The following IST1 variants were observed in gnomAD, a reference collection of about 807,000 sequenced individuals.
The protein encoded by IST1 is IST1 factor associated with ESCRT-III.
Under a neutral mutation model 37.0 loss-of-function variants are expected in IST1, and 23 were observed. The observed-to-expected ratio is 0.62, with a 90% CI of 0.45 to 0.88. The LOEUF (loss-of-function observed/expected upper bound fraction) is 0.88, where lower values mean the gene tolerates loss of function less well. Among genes scored for constraint, IST1 ranks in the 40% least tolerant of loss-of-function variants. IST1 has a pLI of 0.00. For synonymous variants in IST1, 180 were observed against 161.7 expected (o/e 1.11, Z -0.86); for missense variants, 488 against 445.4 (o/e 1.10, Z -0.86).
upstream of IST1, chr16:71,895,451 C>G (rs1036401298): frequency 4.1e-5 from 37 of 909,530 alleles, no homozygotes; most frequent in African/African-American, 7.2e-5. Flanking sequence ...GCAGCCAATC[C>G]CTGGAAAGGA....
intron 1 of IST1, among the ~76,000 whole-genome samples, chr16:71,896,406 T>C (rs897599839): frequency 2.0e-5 from 3 of 152,128 alleles, no homozygotes; most frequent in Non-Finnish European, 4.4e-5. Flanking sequence ...TTATGTGTAA[T>C]ATTTTAACTT....
chr16:71,907,117 A>G (rs556300414), intron 1 of IST1, among the ~76,000 whole-genome samples: 2 of 151,848 alleles, frequency 1.3e-5, no homozygotes, highest in Non-Finnish European at 2.9e-5. Flanking sequence ...AAGTTTGCTA[A>G]GCTTTTGGAG....
chr16:71,916,367 G>C, intron 2 of IST1, 95 bp from the exon 3 acceptor site: 1 of 1,220,842 alleles, frequency 8.2e-7, no homozygotes, highest in Non-Finnish European at 1.2e-6. Flanking sequence ...GGATATAGTA[G>C]AAACACCCAG....
At position 71,924,784 on chromosome 16, in the gene IST1, G is replaced by A; in HGVS notation, c.868G>A (p.Ala290Thr). The change falls in exon 9 of 10, where the codon GCT (alanine) becomes ACT (threonine). Residue 290 changes from alanine to threonine, a missense_variant. Physicochemically the swap from Ala to Thr is moderately conservative, Grantham distance 58. Around this residue, in one of 2 missense-constraint regions of IST1, gnomAD observed 455 missense variants for 386.2 expected, o/e 1.18. Coordinates refer to ENST00000378799, the MANE Select transcript of IST1 (RefSeq NM_001270975.2). ...TGTGTTTCAGGTAGATGACATTAAT[G>A]CTGATAAGAATATCTCTTCTGCACA... ...PSYESVDDINADKNISSAQIV... is the reference protein window; with the variant it reads ...PSYESVDDINTDKNISSAQIV... The A allele has an allele frequency of 6.2e-7, 1 of 1,610,122 alleles. No individual in the cohort carries two copies. The highest frequency in any genetic ancestry group is 8.5e-7 in the Non-Finnish European group (1 of 1,176,296).
At chr16:71,896,975 G>GAAA (rs34791226) in intron 1 of IST1, among the ~76,000 whole-genome samples, 1 of 146,780 alleles carries the variant, frequency 6.8e-6, no homozygotes, top group Non-Finnish European at 1.5e-5. Context: ...TGTAAAAAAA[G>GAAA]AAAAAAAAAA....
upstream of IST1, chr16:71,894,855 A>C (rs117967468): frequency 2.6e-4 from 403 of 1,532,896 alleles, 6 homozygotes; most frequent in East Asian, 9.6e-3. Flanking sequence ...AGTTAAAAAC[A>C]AAGGTAACCA....
intron 3 of IST1, 51 bp downstream of exon 3, chr16:71,916,693 G>T: frequency 6.8e-7 from 1 of 1,462,652 alleles, no homozygotes; most frequent in South Asian, 1.2e-5. Flanking sequence ...TTTGAGAAAG[G>T]AGTAATATGA....
At chr16:71,918,212 C>T (rs1174660827) in intron 4 of IST1, among the ~76,000 whole-genome samples, 2 of 152,040 alleles carry the variant, frequency 1.3e-5, no homozygotes, top group African/African-American at 4.8e-5. Flanking sequence ...AGAAGGAAGC[C>T]AAAAATCTAT....
chr16:71,921,731 G>A (rs1597253810), intron 6 of IST1: 1 of 338,204 alleles, frequency 3.0e-6, no homozygotes, highest in African/African-American at 2.1e-5. Flanking sequence ...GAAACCTCCT[G>A]TTCATAGCAA....
At chr16:71,925,160 C>G (rs947732790) in intron 9 of IST1, among the ~76,000 whole-genome samples, 23 of 150,698 alleles carry the variant, frequency 1.5e-4, no homozygotes, top group African/African-American at 5.6e-4. Flanking sequence ...CTACAGGCGC[C>G]CGCCACCATG....
chr16:71,900,327 CTTTTTTTTTTTTT>C (rs201344260), intron 1 of IST1, among the ~76,000 whole-genome samples: 9 of 100,486 alleles, frequency 9.0e-5, no homozygotes, highest in South Asian at 7.9e-4. Context: ...CTTAGGAAGT[CTTTTTTTTTTTTT>C]TTTTTTTTTT....
chr16:71,923,487 GTCA>G (rs2037660803), intron 8 of IST1, 107 bp downstream of exon 8: 4 of 616,730 alleles, frequency 6.5e-6, no homozygotes, highest in East Asian at 3.0e-5. Flanking sequence ...TCCTAGTACT[GTCA>G]TCATTTTTGC....
chr16:71,916,593 C>G lies in IST1; in HGVS notation c.220C>G (p.Leu74Val). The change falls in exon 3 of 10, where the codon CTG becomes GTG. Residue 74 changes from leucine to valine, a missense_variant. Transcript: ENST00000378799. ...YLVEAMEILE[L>V]YCDLLLARFG... ...CGTGGAGGCCATGGAGATCCTGGAGCTGTACTGTGACCTGCTGCTGGCTCG... is the reference window on the plus strand; with the variant it reads ...CGTGGAGGCCATGGAGATCCTGGAGGTGTACTGTGACCTGCTGCTGGCTCG... 6.2e-7 allele frequency: 1 copy of G among 1,614,054 alleles called. No individual in the cohort carries two copies. The highest frequency in any genetic ancestry group is 8.5e-7 in the Non-Finnish European group (1 of 1,179,912).
intron 7 of IST1, chr16:71,922,910 T>G (rs936394327): frequency 3.4e-6 from 2 of 583,232 alleles, no homozygotes; most frequent in African/African-American, 3.7e-5. Flanking sequence ...ACTTTTCATA[T>G]AGGTTTACTG....
intron 1 of IST1, among the ~76,000 whole-genome samples, chr16:71,897,739 A>C (rs1375446718): frequency 6.6e-6 from 1 of 151,920 alleles, no homozygotes; most frequent in Non-Finnish European, 1.5e-5. Context: ...TGAGGTCAGG[A>C]GTTTGAGACC....
At chr16:71,924,868 T>C (rs374418045) in intron 9 of IST1, 51 bp downstream of exon 9, 8 of 1,242,580 alleles carry the variant, frequency 6.4e-6, no homozygotes, top group African/African-American at 1.5e-5. Flanking sequence ...AACCCTCTGC[T>C]GTTTTCTCAT....
intron 1 of IST1, among the ~76,000 whole-genome samples, chr16:71,914,416 T>C (rs1368103801): frequency 6.6e-6 from 1 of 152,082 alleles, no homozygotes; most frequent in Non-Finnish European, 1.5e-5. Flanking sequence ...CACCTCGGCC[T>C]CCCAAAGTGC....
At position 71,916,387 on chromosome 16, in the gene IST1, T is replaced by C. The variant is rs978943421; in HGVS notation, c.89-75T>C. 1.1e-5 allele frequency: 15 copies of C among 1,409,330 alleles called. No homozygotes were observed. The Middle Eastern group carries it at 7.6e-4, about 72-fold the overall frequency. 87.3% of individuals were successfully genotyped at this position (1,409,330 alleles called of 1,614,324 possible). On this transcript the variant is annotated intron_variant, in intron 2 of 9. Coordinates refer to ENST00000378799, the MANE Select transcript of IST1 (RefSeq NM_001270975.2). ...TAGTAGAAACACCCAGTTCTTCCTG[T>C]TGGGGGGAGATTGGCCTGTAGGCCA...
chr16:71,930,086 A>G lies in IST1; in HGVS notation c.*2273A>G, dbSNP rs1405994760. On this transcript the variant is annotated 3_prime_UTR_variant, in exon 10 of 10. Transcript: ENST00000378799. ...CTTTCTTTCTTTTCCAAAGGCCATGAGAATGGCCGAAACGAAAAGATTAAT... is the reference window on the plus strand; with the variant it reads ...CTTTCTTTCTTTTCCAAAGGCCATGGGAATGGCCGAAACGAAAAGATTAAT... 3 of 1,551,582 alleles carry G rather than the reference A, an allele frequency of 1.9e-6. No individual in the cohort carries two copies. Among genetic ancestry groups the G allele is most frequent in the Non-Finnish European group, 2.6e-6 (3 of 1,146,912 alleles).
Sources: allele counts gnomAD v4.1 joint callset (sites outside exome capture counted in the v4.1 genomes callset), GRCh38; gene constraint gnomAD v4.1.1; regional missense constraint gnomAD v4.1.1; transcripts MANE v1.5; gene names NCBI Gene and HGNC (gene_info 2026-07-23, HGNC 2026-07-21).